The following LINS1 variants were observed in gnomAD, a reference collection of about 807,000 sequenced individuals.
The protein encoded by LINS1 is lines homolog 1.
In LINS1, 27 loss-of-function variants were observed where a neutral mutation model predicts 41.6. The observed-to-expected ratio is 0.65, with a 90% confidence interval of 0.48 to 0.89. The LOEUF (loss-of-function observed/expected upper bound fraction) is 0.89. Among genes scored for constraint, LINS1 ranks in the 40% least tolerant of loss-of-function variants. LINS1 has a pLI of 0.00. For synonymous variants in LINS1, 336 were observed against 312.9 expected, an observed-to-expected ratio of 1.07 and a Z score of -0.78; for missense variants, 955 against 884.1, an observed-to-expected ratio of 1.08 and a Z score of -1.02.
chr15:100,569,439 G>C lies in LINS1; in HGVS notation c.2073C>G (p.Phe691Leu). The C allele has an allele frequency of 4.3e-6, 7 of 1,614,184 alleles. No homozygotes were observed. Among genetic ancestry groups the C allele is most frequent in the Non-Finnish European group, 5.9e-6 (7 of 1,180,006 alleles). Residue 691 changes from phenylalanine (F) to leucine (L), a missense_variant, in exon 7 of 7, where the codon TTC becomes TTG. Phe to Leu is a conservative substitution (Grantham distance 22). Transcript: ENST00000314742. ...PLVLKEFDTA[F>L]SFDCEVAPND... ...TTGGGGCTACTTCACAATCAAAGGA[G>C]AAGGCAGTATCAAATTCTTTCAGAA... is the stretch of plus-strand genomic sequence containing the variant.
intron 4 of LINS1, among the ~76,000 whole-genome samples, chr15:100,574,639 C>T (rs941969085): frequency 1.4e-4 from 21 of 152,150 alleles, no homozygotes; most frequent in Non-Finnish European, 7.3e-5. Context: ...ACTCGCAAGG[C>T]AGGGGTTGCA....
At chr15:100,595,859 G>C (rs557082243) in intron 1 of LINS1, among the ~76,000 whole-genome samples, 1 of 152,170 alleles carries the variant, frequency 6.6e-6, no homozygotes, top group South Asian at 2.1e-4. Context: ...TGTCGCGGAA[G>C]TTGAGGCCTC....
rs1567093884 is a variant in LINS1 at position 100,585,644 on chromosome 15, G to C, written c.-103-4699C>G. On this transcript the variant is annotated intron_variant, in intron 1 of 6. Coordinates refer to ENST00000314742, the MANE Select transcript of LINS1 (RefSeq NM_001040616.3). ...TGCTATCTCATGGCTAGGGTTCCAA[G>C]CTATTGGATCTTCGTTCGTGTATGT... Among the ~76,000 whole-genome samples, 4 of 152,188 alleles carry C rather than the reference G, an allele frequency of 2.6e-5. No homozygotes were observed. In the South Asian group the frequency reaches 8.3e-4, roughly 31 times the overall value.
intron 2 of LINS1, 22 bp from the exon 3 acceptor site, chr15:100,580,374 TAAC>T: frequency 1.2e-6 from 2 of 1,604,348 alleles, no homozygotes; most frequent in South Asian, 2.2e-5. Flanking sequence ...CAAATATAAT[TAAC>T]CACTATTGCT....
intron 1 of LINS1, among the ~76,000 whole-genome samples, chr15:100,597,771 C>T (rs562474277): frequency 1.3e-4 from 20 of 152,162 alleles, no homozygotes; most frequent in Non-Finnish European, 2.4e-4. Context: ...GGCAGGGTAG[C>T]GTTGAGGAAC....
intron 1 of LINS1, among the ~76,000 whole-genome samples, chr15:100,598,428 A>C (rs2039338502): frequency 6.6e-6 from 1 of 152,236 alleles, no homozygotes; most frequent in African/African-American, 2.4e-5. Flanking sequence ...GTATCAAAGA[A>C]TTATAAACAG....
chr15:100,601,466 C>A (rs1156531373), intron 1 of LINS1, among the ~76,000 whole-genome samples: 6 of 152,172 alleles, frequency 3.9e-5, no homozygotes, highest in Admixed American at 2.6e-4. Flanking sequence ...CCAACCACCT[C>A]TTAAAGACTC....
At chr15:100,589,396 C>T (rs1172148279) in intron 1 of LINS1, among the ~76,000 whole-genome samples, 5 of 152,162 alleles carry the variant, frequency 3.3e-5, no homozygotes, top group African/African-American at 1.2e-4. Context: ...GTTTTAGATA[C>T]ATATTTTGAA....
chr15:100,572,176 A>G, intron 5 of LINS1, 111 bp from the exon 6 acceptor site: 1 of 1,529,460 alleles, frequency 6.5e-7, no homozygotes, highest in East Asian at 2.5e-5. Context: ...AATTATCCTA[A>G]TTCACTTTCA....
chr15:100,572,454 T>A (rs2037883331), intron 5 of LINS1: 1 of 1,060,124 alleles, frequency 9.4e-7, no homozygotes, highest in Non-Finnish European at 1.1e-6. Context: ...GCAAAAATAA[T>A]TTTGTCTTCA....
At chr15:100,588,263 G>C (rs1880691129) in intron 1 of LINS1, among the ~76,000 whole-genome samples, 1 of 152,204 alleles carries the variant, frequency 6.6e-6, no homozygotes, top group African/African-American at 2.4e-5. Context: ...TTGGGAGCTT[G>C]ACCTTGTAAC....
chr15:100,595,669 A>C (rs2039213588), intron 1 of LINS1, among the ~76,000 whole-genome samples: 1 of 152,202 alleles, frequency 6.6e-6, no homozygotes, highest in Admixed American at 6.5e-5. Context: ...TTCATGGTCA[A>C]TATTAGAAGT....
rs997363484 is a variant in LINS1 at position 100,573,604 on chromosome 15, TAAGTA to T, written c.1222+42_1222+46del. 12 of 1,150,242 alleles carry T rather than the reference TAAGTA, an allele frequency of 1.0e-5. No homozygotes were observed. In the African/African-American group the frequency reaches 1.5e-4, roughly 15 times the overall value. The allele number at this position is 1,150,242 out of a possible 1,614,324, so 71.3% of individuals were successfully genotyped here. On this transcript the variant is annotated intron_variant, in intron 5 of 6. Coordinates refer to ENST00000314742, the MANE Select transcript of LINS1 (RefSeq NM_001040616.3). ...TTTGATAATTATGAATTACTGTACT[TAAGTA>T]AATAATTACACACTGCATACAAAAG...
chr15:100,579,301 G>A (rs928948465), intron 3 of LINS1, among the ~76,000 whole-genome samples: 1 of 151,534 alleles, frequency 6.6e-6, no homozygotes, highest in African/African-American at 2.4e-5. Flanking sequence ...CTCCTCTTAG[G>A]TAGACTATAA....
chr15:100,570,981 C>A (rs559632575), intron 6 of LINS1, among the ~76,000 whole-genome samples: 1 of 152,294 alleles, frequency 6.6e-6, no homozygotes, highest in South Asian at 2.1e-4. Flanking sequence ...GAGTAAGGAG[C>A]TAACTTTGAG....
At chr15:100,578,328 G>GA (rs1360564096) in intron 3 of LINS1, among the ~76,000 whole-genome samples, 8 of 151,932 alleles carry the variant, frequency 5.3e-5, no homozygotes, top group Non-Finnish European at 7.4e-5. Context: ...AAATTTACAA[G>GA]AAAAAAACAA....
At chr15:100,572,124 G>A in intron 5 of LINS1, 59 bp from the exon 6 acceptor site, 3 of 1,599,498 alleles carry the variant, frequency 1.9e-6, no homozygotes, top group Non-Finnish European at 2.6e-6. Context: ...TGAATATCTT[G>A]CCTATATATA....
chr15:100,571,294 C>T (rs2037810016), intron 6 of LINS1, among the ~76,000 whole-genome samples: 1 of 152,196 alleles, frequency 6.6e-6, no homozygotes, highest in African/African-American at 2.4e-5. Flanking sequence ...GAAGCAGAAA[C>T]AGTGGAAAAG....
rs748499625 is a variant in LINS1 at position 100,574,040 on chromosome 15, A to G, written c.833T>C (p.Leu278Ser). Residue 278 changes from leucine to serine, a missense_variant, in exon 5 of 7, where the codon TTG (leucine) becomes TCG (serine). Physicochemically the swap from Leu to Ser is moderately radical, Grantham distance 145. Coordinates refer to ENST00000314742, the MANE Select transcript of LINS1 (RefSeq NM_001040616.3). Reference protein sequence around the residue: ...LHFTCQRILFLKPSCMLEVIT... With the variant: ...LHFTCQRILFSKPSCMLEVIT... ...AACTTCTAGCATGCAAGATGGTTTCAAAAATAAAATCCTCTGGCAAGTGAA... is the reference window on the plus strand; with the variant it reads ...AACTTCTAGCATGCAAGATGGTTTCGAAAATAAAATCCTCTGGCAAGTGAA... 3.1e-6 allele frequency: 5 copies of G among 1,614,072 alleles called. No individual in the cohort carries two copies. The East Asian group carries it at 1.1e-4, about 36-fold the overall frequency.
Sources: gnomAD v4.1 joint callset for allele counts (sites outside exome capture counted in the v4.1 genomes callset) on GRCh38, gnomAD v4.1.1 for gene constraint, MANE v1.5 for transcripts, NCBI Gene and HGNC (gene_info 2026-07-23, HGNC 2026-07-21) for gene names.